The following KIRREL3 variants were observed in gnomAD, a reference collection of about 807,000 sequenced individuals.
KIRREL3 encodes kirre like nephrin family adhesion molecule 3.
In KIRREL3, 36 loss-of-function variants were observed where a neutral mutation model predicts 89.7. The ratio of observed to expected loss-of-function variants is 0.40; its 90% CI spans 0.31 to 0.53. The LOEUF (loss-of-function observed/expected upper bound fraction) is 0.53. Ranked by LOEUF, KIRREL3 falls within the 20% of genes least tolerant of loss-of-function variation. KIRREL3 has a pLI of 0.49. For missense variants in KIRREL3, 864 were observed against 1,056.6 expected (o/e 0.82, Z 2.53); for synonymous variants, 445 against 441.4 (o/e 1.01, Z -0.10).
At position 126,657,294 on chromosome 11, in the gene KIRREL3, T is replaced by C. The variant is rs1009181140; in HGVS notation, c.56-94382A>G. On this transcript the variant is annotated intron_variant, in intron 1 of 16. Transcript: ENST00000525144. ...TAAATAAATAAATCTTCATGGAATC[T>C]CAAGGCTCTGAGGGGCCTAGTTAGA... is the stretch of plus-strand genomic sequence containing the variant. Among the ~76,000 whole-genome samples the C allele has an allele frequency of 3.3e-5, 5 of 152,144 alleles. No individual in the cohort carries two copies. In the South Asian group the frequency reaches 6.2e-4, roughly 19 times the overall value.
chr11:126,838,982 T>C (rs1416683942), intron 1 of KIRREL3, among the ~76,000 whole-genome samples: 2 of 152,178 alleles, frequency 1.3e-5, no homozygotes, highest in African/African-American at 4.8e-5. Flanking sequence ...GAGACCTGCA[T>C]ACCAAGGAAG....
intron 1 of KIRREL3, among the ~76,000 whole-genome samples, chr11:126,803,373 T>G (rs1037876925): frequency 6.6e-6 from 1 of 152,066 alleles, no homozygotes; most frequent in Non-Finnish European, 1.5e-5. Context: ...CAGCAAGGTA[T>G]GAGAGGTGCA....
chr11:126,735,582 T>G (rs1405252964), intron 1 of KIRREL3, among the ~76,000 whole-genome samples: 2 of 152,164 alleles, frequency 1.3e-5, no homozygotes, highest in Non-Finnish European at 2.9e-5. Flanking sequence ...TTGGGGCTTA[T>G]TGGAGAAGGT....
chr11:126,629,285 G>C (rs1163987499), intron 1 of KIRREL3, among the ~76,000 whole-genome samples: 2 of 152,202 alleles, frequency 1.3e-5, no homozygotes, highest in Admixed American at 1.3e-4. Context: ...CTGCAGCCAA[G>C]CAGATGTCCT....
rs144488910 is a variant in KIRREL3 at position 126,476,532 on chromosome 11, G to A, written c.434-3066C>T. On this transcript the variant is annotated intron_variant, in intron 4 of 16. Transcript: ENST00000525144. This position sits in a 1 kb window ranked among gnomAD's most constrained non-coding sequence, Gnocchi z 6.4. ...AGTGCTCAGGCACACGCACAGCCACGCACATACATCCACCCTCAGAATGGG... is the reference window on the plus strand; with the variant it reads ...AGTGCTCAGGCACACGCACAGCCACACACATACATCCACCCTCAGAATGGG... Among the ~76,000 whole-genome samples, 849 of 152,342 alleles carry A rather than the reference G, an allele frequency of 5.6e-3. 5 individuals carry two copies. Among genetic ancestry groups the A allele is most frequent in the African/African-American group, 0.019 (791 of 41,576 alleles).
intron 1 of KIRREL3, among the ~76,000 whole-genome samples, chr11:126,691,789 A>G (rs6590225): frequency 0.55 from 84,185 of 152,070 alleles, 23,971 homozygotes; most frequent in East Asian, 0.84. Flanking sequence ...TTATTATAGT[A>G]CTGAAGAGAA....
chr11:126,699,962 G>A (rs1429975333), intron 1 of KIRREL3, among the ~76,000 whole-genome samples: 1 of 152,140 alleles, frequency 6.6e-6, no homozygotes, highest in Non-Finnish European at 1.5e-5. Context: ...GGGAGGCTGA[G>A]GTGGGAGGAT....
At position 126,476,516 on chromosome 11, in the gene KIRREL3, G is replaced by A. The variant is rs1283268030; in HGVS notation, c.434-3050C>T. Among the ~76,000 whole-genome samples the A allele has an allele frequency of 6.6e-6, 1 of 152,238 alleles. No individual in the cohort carries two copies. The highest frequency in any genetic ancestry group is 2.4e-5 in the African/African-American group (1 of 41,460). On this transcript the variant is annotated intron_variant, in intron 4 of 16. Transcript: ENST00000525144. The surrounding 1 kb of genome is among the most constrained non-coding windows in gnomAD (Gnocchi z 6.4). Reference sequence around the variant, plus strand: ...TGGGGCGTGTTGTGGGAGTGCTCAGGCACACGCACAGCCACGCACATACAT... The same window carrying A: ...TGGGGCGTGTTGTGGGAGTGCTCAGACACACGCACAGCCACGCACATACAT...
chr11:126,846,200 G>A (rs1209765791), intron 1 of KIRREL3, among the ~76,000 whole-genome samples: 1 of 152,138 alleles, frequency 6.6e-6, no homozygotes. Context: ...GTAAAAATGG[G>A]TACCTTAATT....
At position 126,592,441 on chromosome 11, in the gene KIRREL3, G is replaced by A. The variant is rs556798406; in HGVS notation, c.56-29529C>T. Among the ~76,000 whole-genome samples the A allele has an allele frequency of 2.0e-5, 3 of 152,314 alleles. No homozygotes were observed. The South Asian group carries it at 6.2e-4, about 32-fold the overall frequency. On this transcript the variant is annotated intron_variant, in intron 1 of 16. Coordinates refer to ENST00000525144, the MANE Select transcript of KIRREL3 (RefSeq NM_032531.4). ...AGTCTAAAGTTACATAGCTAAGAAA[G>A]TGGAAGGAGCTGAGATCTGACAGTT... is the stretch of plus-strand genomic sequence containing the variant.
intron 1 of KIRREL3, among the ~76,000 whole-genome samples, chr11:126,914,204 AG>A (rs1946943684): frequency 6.6e-6 from 1 of 152,222 alleles, no homozygotes; most frequent in African/African-American, 2.4e-5. Context: ...CTAAAAGGAA[AG>A]GGCACGTGGA....
chr11:126,787,176 C>A (rs1240176101), intron 1 of KIRREL3, among the ~76,000 whole-genome samples: 2 of 152,078 alleles, frequency 1.3e-5, no homozygotes, highest in Admixed American at 6.6e-5. Context: ...GAACACCTGA[C>A]AGAATGATGA....
chr11:126,585,754 T>A (rs933510146), intron 1 of KIRREL3, among the ~76,000 whole-genome samples: 19 of 152,226 alleles, frequency 1.2e-4, no homozygotes, highest in African/African-American at 4.6e-4. Flanking sequence ...TCTGTTCGTC[T>A]GTCCAGAAGG....
In KIRREL3 at chr11:126,563,949, A is replaced by G. The variant is rs977133243; in HGVS notation, c.56-1037T>C. ...ATGCAGATGGGAAAATTGAGGTTCA[A>G]CCATGTTAAATGACTTCCCACGATT... On this transcript the variant is annotated intron_variant, in intron 1 of 16. Coordinates refer to ENST00000525144, the MANE Select transcript of KIRREL3 (RefSeq NM_032531.4). This position sits in a 1 kb window ranked among gnomAD's most constrained non-coding sequence, Gnocchi z 6.8. 2.0e-5 allele frequency among the ~76,000 whole-genome samples: 3 copies of G among 152,228 alleles called. No individual in the cohort carries two copies. Among genetic ancestry groups the G allele is most frequent in the African/African-American group, 7.2e-5 (3 of 41,466 alleles).
intron 1 of KIRREL3, among the ~76,000 whole-genome samples, chr11:126,923,269 C>CTTCTTCTTCTT (rs1565424302): frequency 1.7e-4 from 4 of 23,114 alleles, no homozygotes; most frequent in East Asian, 9.9e-4. Flanking sequence ...TTCTTCTTCT[C>CTTCTTCTTCTT]CTTCTCCTTC....
chr11:126,813,772 A>G lies in KIRREL3; in HGVS notation c.55+186683T>C, dbSNP rs1025670308. ...TCTACAAAGTGATGAAACAAAGGCA[A>G]AAAAAAAAAAGGTGGGATCCCCGAA... On this transcript the variant is annotated intron_variant, in intron 1 of 16. Transcript: ENST00000525144. Among the ~76,000 whole-genome samples, 6 of 130,832 alleles carry G rather than the reference A, an allele frequency of 4.6e-5. No individual in the cohort carries two copies. The South Asian group carries it at 6.6e-4, about 14-fold the overall frequency. 85.8% of individuals were successfully genotyped at this position (130,832 alleles called of 152,430 possible).
Position 126,431,453 on chromosome 11 carries a change from G to A in KIRREL3, c.1662C>T (p.Thr554=). 1 of 1,614,054 alleles carries A rather than the reference G, an allele frequency of 6.2e-7. No individual in the cohort carries two copies. Among genetic ancestry groups the A allele is most frequent in the Non-Finnish European group, 8.5e-7 (1 of 1,179,900 alleles). ...AACGGGCACAGCAGAACGCCACGAT[G>A]GTTGCCATAAGGACGAGGAAGGCCA... The part of the protein sequence containing the change: ...AGVAFLVLMA[T]IVAFCCARSQ... The change falls in exon 14 of 17, where the codon ACC becomes ACT. Residue 554 remains threonine (T), a synonymous_variant. Transcript: ENST00000525144. The surrounding 1 kb of genome is among the most constrained non-coding windows in gnomAD (Gnocchi z 7.1).
intron 1 of KIRREL3, among the ~76,000 whole-genome samples, chr11:126,580,733 TCTC>T (rs1181935069): frequency 6.6e-6 from 1 of 151,966 alleles, no homozygotes; most frequent in African/African-American, 2.4e-5. Flanking sequence ...TGCCCTGTCT[TCTC>T]CTCTGATTCA....
intron 15 of KIRREL3, among the ~76,000 whole-genome samples, chr11:126,426,838 C>T (rs75476415): frequency 2.6e-5 from 4 of 152,206 alleles, no homozygotes; most frequent in East Asian, 1.9e-4. Flanking sequence ...GGAGACCATG[C>T]GGTTCATTTT....
Sources: gnomAD v4.1 joint callset for allele counts (sites outside exome capture counted in the v4.1 genomes callset) on GRCh38, gnomAD v4.1.1 for gene constraint, Gnocchi (gnomAD v3.1) non-coding constraint, MANE v1.5 for transcripts, NCBI Gene and HGNC (gene_info 2026-07-23, HGNC 2026-07-21) for gene names.